The following CFAP54 variants were observed in gnomAD, a reference collection of about 807,000 sequenced individuals.
CFAP54 encodes the protein cilia- and flagella-associated protein 54.
A neutral mutation model predicts 370.4 loss-of-function variants in CFAP54; 290 were observed. The observed-to-expected ratio is 0.78, with a 90% CI of 0.71 to 0.86. The LOEUF is 0.86. Ranked by LOEUF, CFAP54 falls within the 40% of genes least tolerant of loss-of-function variation. The probability of loss-of-function intolerance (pLI) is 0.00; values close to 1 mark genes in which losing one functional copy is unlikely to be tolerated. For synonymous variants in CFAP54, 1,206 were observed against 1,236.5 expected, an observed-to-expected ratio of 0.98 and a Z score of 0.52; for missense variants, 3,399 against 3,528.7, an observed-to-expected ratio of 0.96 and a Z score of 0.93.
At chr12:96,799,729 A>C (rs1958802809) in intron 63 of CFAP54, among the ~76,000 whole-genome samples, 2 of 152,220 alleles carry the variant, frequency 1.3e-5, no homozygotes, top group African/African-American at 4.8e-5. Flanking sequence ...TTCCATATAC[A>C]TTTAAAAATA....
intron 64 of CFAP54, 146 bp from the exon 65 acceptor site, chr12:96,817,629 C>CTGA: frequency 3.1e-6 from 1 of 317,800 alleles, no homozygotes; most frequent in Non-Finnish European, 5.6e-6. Context: ...ACCATGTTAG[C>CTGA]CAGGATGGTA....
intron 49 of CFAP54, 42 bp downstream of exon 49, chr12:96,718,564 A>G: frequency 1.6e-6 from 2 of 1,239,170 alleles, no homozygotes; most frequent in Non-Finnish European, 2.3e-6. Flanking sequence ...TTAGTTACCA[A>G]AAATCCACTA....
intron 53 of CFAP54, 81 bp from the exon 54 acceptor site, chr12:96,743,650 T>C: frequency 1.3e-6 from 2 of 1,567,814 alleles, no homozygotes; most frequent in African/African-American, 1.4e-5. Context: ...AGGTACTGAA[T>C]GCATAACAAT....
intron 33 of CFAP54, chr12:96,646,183 A>G (rs955023248): frequency 6.6e-6 from 1 of 152,178 alleles, no homozygotes; most frequent in African/African-American, 2.4e-5. Context: ...AATGGGAGAA[A>G]ATTTTTGCAA....
intron 64 of CFAP54, among the ~76,000 whole-genome samples, chr12:96,814,600 C>T (rs1344616083): frequency 6.6e-6 from 1 of 152,226 alleles, no homozygotes; most frequent in East Asian, 1.9e-4. Context: ...AGATTTGTTA[C>T]ATAGGTATAC....
chr12:96,753,238 A>G (rs1014063397), intron 55 of CFAP54, among the ~76,000 whole-genome samples: 1 of 152,248 alleles, frequency 6.6e-6, no homozygotes, highest in Non-Finnish European at 1.5e-5. Context: ...TAAAAAGCAT[A>G]GCATGTAGTC....
chr12:96,768,242 A>T (rs907725172), intron 60 of CFAP54, among the ~76,000 whole-genome samples: 6 of 152,080 alleles, frequency 3.9e-5, no homozygotes, highest in Non-Finnish European at 8.8e-5. Flanking sequence ...AATCGCTTGA[A>T]CCCAGAAGGT....
At chr12:96,614,315 C>G (rs1006707262) in intron 26 of CFAP54, among the ~76,000 whole-genome samples, 22 of 152,072 alleles carry the variant, frequency 1.4e-4, no homozygotes, top group Non-Finnish European at 2.8e-4. Flanking sequence ...ATTCAACAGC[C>G]CTTCATGCTA....
Position 96,764,159 on chromosome 12 carries a change from CAGA to C in CFAP54, c.8055_8057del (p.Arg2685del), listed in dbSNP as rs781004279. On this transcript the variant is annotated inframe_deletion, in exon 59 of 68. Transcript: ENST00000524981. ...ATTTGCCATATTTTTAGCCTCCTCT[CAGA>C]AGAAGTAGTTCTGTTAAAGAAACAT... 5.0e-6 allele frequency: 8 copies of C among 1,609,738 alleles called. No individual in the cohort carries two copies. Among genetic ancestry groups the C allele is most frequent in the East Asian group, 2.2e-5 (1 of 44,806 alleles).
At chr12:96,769,642 T>C (rs1958438200) in intron 60 of CFAP54, among the ~76,000 whole-genome samples, 1 of 152,226 alleles carries the variant, frequency 6.6e-6, no homozygotes, top group Admixed American at 6.5e-5. Context: ...AGTGCAGCTA[T>C]ACAGTGTCAA....
chr12:96,801,700 A>T (rs1296526391), intron 63 of CFAP54, among the ~76,000 whole-genome samples: 1 of 152,158 alleles, frequency 6.6e-6, no homozygotes, highest in East Asian at 1.9e-4. Context: ...AATAAATTTG[A>T]ATTATGTTTA....
At chr12:96,666,976 C>T (rs1466376250) in intron 39 of CFAP54, among the ~76,000 whole-genome samples, 1 of 152,160 alleles carries the variant, frequency 6.6e-6, no homozygotes, top group Non-Finnish European at 1.5e-5. Context: ...AGGCATTGGA[C>T]AAATACACCC....
At position 96,539,076 on chromosome 12, in the gene CFAP54, TTGTTTTTG is replaced by T. The variant is rs908552189; in HGVS notation, c.1926+560_1926+567del. On this transcript the variant is annotated intron_variant, in intron 13 of 67. Coordinates refer to ENST00000524981, the MANE Select transcript of CFAP54 (RefSeq NM_001306084.2). ...CCGGCCTTTTCAGGTTTTTTTTTTT[TTGTTTTTG>T]TTTTTGAGATGGAGTCTTGCTCTGT... is the stretch of plus-strand genomic sequence containing the variant. Among the ~76,000 whole-genome samples, 4 of 138,836 alleles carry T rather than the reference TTGTTTTTG, an allele frequency of 2.9e-5. 1 individual carries two copies. Among genetic ancestry groups the T allele is most frequent in the South Asian group, 2.4e-4 (1 of 4,092 alleles). 91.1% of individuals were successfully genotyped at this position (138,836 alleles called of 152,430 possible).
chr12:96,522,918 A>G (rs893720916), intron 8 of CFAP54, among the ~76,000 whole-genome samples: 1 of 152,196 alleles, frequency 6.6e-6, no homozygotes, highest in Non-Finnish European at 1.5e-5. Context: ...CCACAAGCCT[A>G]TTTGGCAAAC....
rs576786831 is a variant in CFAP54, at chr12:96,821,499, T to C, written c.9096+3586T>C. Among the ~76,000 whole-genome samples the C allele has an allele frequency of 1.4e-4, 22 of 152,156 alleles. 1 individual carries two copies. Among genetic ancestry groups the C allele is most frequent in the African/African-American group, 4.6e-4 (19 of 41,444 alleles). On this transcript the variant is annotated intron_variant, in intron 65 of 67. Transcript: ENST00000524981. ...TTGTTTTATTCTCCAACCTAGAAAG[T>C]GTTTCTTCAGCTTTAACGTGGGGCA...
chr12:96,580,849 C>A, intron 21 of CFAP54, 71 bp from the exon 22 acceptor site: 1 of 1,219,104 alleles, frequency 8.2e-7, no homozygotes, highest in Admixed American at 3.3e-5. Flanking sequence ...AGAAGGTTTA[C>A]TTAATTGTAT....
intron 17 of CFAP54, 52 bp downstream of exon 17, chr12:96,554,854 C>A: frequency 7.1e-7 from 1 of 1,415,482 alleles, no homozygotes; most frequent in South Asian, 1.6e-5. Context: ...AAGCCAGACT[C>A]CAGTACAGAA....
rs1955582900 is a variant in CFAP54 at position 96,542,149 on chromosome 12, T to C, written c.2077+1162T>C. On this transcript the variant is annotated intron_variant, in intron 14 of 67. Coordinates refer to ENST00000524981, the MANE Select transcript of CFAP54 (RefSeq NM_001306084.2). The stretch of plus-strand genomic sequence containing the variant: ...AGGACTTCGTAATAAAGTTACTCTT[T>C]ACTTGGAGATTCACGAATCTGGCTC... Among the ~76,000 whole-genome samples the C allele has an allele frequency of 2.6e-5, 4 of 152,308 alleles. No individual in the cohort carries two copies. The South Asian group carries it at 8.3e-4, about 32-fold the overall frequency.
Position 96,547,908 on chromosome 12 carries a change from C to T in CFAP54, c.2084C>T (p.Pro695Leu). ...GRKFKQSLDV[P>L]LREGTNKFPG... ...TCCTTCCTTTCTTTTCCAGATGTAC[C>T]TTTAAGAGAAGGGACTAACAAATTC... is the stretch of plus-strand genomic sequence containing the variant. The change falls in exon 15 of 68, where the codon CCT becomes CTT. Residue 695 changes from proline to leucine, a missense_variant. Transcript: ENST00000524981. 1 of 1,482,824 alleles carries T rather than the reference C, an allele frequency of 6.7e-7. No homozygotes were observed. The highest frequency in any genetic ancestry group is 9.0e-7 in the Non-Finnish European group (1 of 1,111,804). The allele number at this position is 1,482,824 out of a possible 1,614,324, so 91.9% of individuals were successfully genotyped here.
Sources: allele counts gnomAD v4.1 joint callset (sites outside exome capture counted in the v4.1 genomes callset), GRCh38; gene constraint gnomAD v4.1.1; transcripts MANE v1.5; gene names NCBI Gene and HGNC (gene_info 2026-07-23, HGNC 2026-07-21).